The following PCDHA12 variants were observed in gnomAD, a reference collection of about 807,000 sequenced individuals.
PCDHA12 encodes the protein protocadherin alpha 12.
PCDHA12 carries 44 observed loss-of-function variants against 60.0 expected under a neutral mutation model. The ratio of observed to expected loss-of-function variants is 0.73; its 90% CI spans 0.58 to 0.94. PCDHA12 has a LOEUF of 0.94. Ranked by LOEUF, PCDHA12 falls within the 40% of genes least tolerant of loss-of-function variation. The pLI, the probability that PCDHA12 is intolerant of heterozygous loss-of-function variation, is 0.00. For missense variants in PCDHA12, 1,276 were observed against 1,239.7 expected (o/e 1.03, Z -0.44); for synonymous variants, 569 against 553.0 (o/e 1.03, Z -0.40).
chr5:140,913,035 T>C (rs1277110200), intron 1 of PCDHA12, among the ~76,000 whole-genome samples: 2 of 152,242 alleles, frequency 1.3e-5, no homozygotes, highest in African/African-American at 4.8e-5. Context: ...TCATCAGATA[T>C]ATTGGCCTGG....
In PCDHA12 at chr5:140,876,123, C is replaced by T. The variant is rs782271666; in HGVS notation, c.651C>T (p.Gly217=). 6.2e-7 allele frequency: 1 copy of T among 1,613,906 alleles called. No homozygotes were observed. The highest frequency in any genetic ancestry group is 2.2e-5 in the East Asian group (1 of 44,884). ...KLNLLLMVID[G]GKPELTGSVQ... is the part of the protein sequence containing the mutation. ...ATTTATTGCTGATGGTAATCGATGGCGGTAAACCAGAACTAACAGGGTCTG... is the reference window on the plus strand; with the variant it reads ...ATTTATTGCTGATGGTAATCGATGGTGGTAAACCAGAACTAACAGGGTCTG... Residue 217 remains glycine (G), a synonymous_variant, in exon 1 of 4, where the codon GGC becomes GGT. Transcript: ENST00000398631.
intron 1 of PCDHA12, chr5:140,966,905 T>C (rs1554228876): frequency 1.9e-6 from 3 of 1,600,790 alleles, no homozygotes; most frequent in Non-Finnish European, 2.5e-6. Flanking sequence ...GCTGCGATAC[T>C]CTGTGCCAGA....
chr5:140,912,723 A>C (rs781874290), intron 1 of PCDHA12, among the ~76,000 whole-genome samples: 21 of 152,256 alleles, frequency 1.4e-4, no homozygotes, highest in Admixed American at 1.1e-3. Context: ...TCCATTCAAT[A>C]TGATGTTGGC....
rs577931904 is a variant in PCDHA12 at position 140,968,275 on chromosome 5, G to A, written c.2368-10674G>A. On this transcript the variant is annotated intron_variant, in intron 1 of 3. Coordinates refer to ENST00000398631, the MANE Select transcript of PCDHA12 (RefSeq NM_018903.4). ...ACCCAGATGAAAAGGAGAATGCAGA[G>A]GTGACCTACTCCCTTCTGGAGAGGG... is the stretch of plus-strand genomic sequence containing the variant. The A allele has an allele frequency of 5.0e-6, 8 of 1,614,040 alleles. No individual in the cohort carries two copies. The African/African-American group carries it at 8.0e-5, about 16-fold the overall frequency.
chr5:141,010,697 C>T lies in PCDHA12; in HGVS notation c.*760C>T, dbSNP rs1163164861. The T allele has an allele frequency of 6.3e-6, 1 of 158,698 alleles. No homozygotes were observed. 9.8% of individuals were successfully genotyped at this position (158,698 alleles called of 1,614,324 possible). A position where few individuals can be genotyped will look rare whatever the true frequency, so the allele number is the denominator to read the frequency against. On this transcript the variant is annotated 3_prime_UTR_variant, in exon 4 of 4. Coordinates refer to ENST00000398631, the MANE Select transcript of PCDHA12 (RefSeq NM_018903.4). ...AACAGAAGCAGATCTGATGTGTTTCCTATACATGTCCTGTGCTCACTTTAT... is the reference window on the plus strand; with the variant it reads ...AACAGAAGCAGATCTGATGTGTTTCTTATACATGTCCTGTGCTCACTTTAT...
chr5:141,007,315 C>T (rs1207897662), intron 3 of PCDHA12, among the ~76,000 whole-genome samples: 1 of 148,308 alleles, frequency 6.7e-6, no homozygotes, highest in Non-Finnish European at 1.5e-5. Flanking sequence ...TTTTGGGAGG[C>T]TAAAGTGGAC....
chr5:140,974,116 G>T (rs2096616118), intron 1 of PCDHA12, among the ~76,000 whole-genome samples: 1 of 152,192 alleles, frequency 6.6e-6, no homozygotes. Context: ...TTCTTTTGCA[G>T]TGTTTTAAAT....
chr5:140,922,388 CT>C (rs1233800006), intron 1 of PCDHA12, among the ~76,000 whole-genome samples: 1 of 152,148 alleles, frequency 6.6e-6, no homozygotes, highest in Non-Finnish European at 1.5e-5. Flanking sequence ...CCAAAGACTC[CT>C]TGTTTTGGAT....
At chr5:140,938,133 A>G (rs2091933876) in intron 1 of PCDHA12, among the ~76,000 whole-genome samples, 1 of 152,268 alleles carries the variant, frequency 6.6e-6, no homozygotes, top group South Asian at 2.1e-4. Context: ...AAAAATAGAG[A>G]TAGAGTCTCA....
chr5:141,010,124 G>A lies in PCDHA12; in HGVS notation c.*187G>A. ...GGTTTTGTCGTAAAAGCTTTACTAAGTCTGGTGTTAACTCTTTCTCTCCAC... is the reference window on the plus strand; with the variant it reads ...GGTTTTGTCGTAAAAGCTTTACTAAATCTGGTGTTAACTCTTTCTCTCCAC... On this transcript the variant is annotated 3_prime_UTR_variant, in exon 4 of 4. Coordinates refer to ENST00000398631, the MANE Select transcript of PCDHA12 (RefSeq NM_018903.4). The A allele has an allele frequency of 1.2e-6, 2 of 1,605,172 alleles. No homozygotes were observed. The highest frequency in any genetic ancestry group is 1.7e-6 in the Non-Finnish European group (2 of 1,175,146).
At chr5:140,884,414 C>G in intron 1 of PCDHA12, 2 of 1,614,008 alleles carry the variant, frequency 1.2e-6, no homozygotes, top group Non-Finnish European at 1.7e-6. Context: ...GCTCACGTTG[C>G]TGCTGTATAC....
chr5:141,012,183 A>G lies in PCDHA12; in HGVS notation c.*2246A>G, dbSNP rs1554263839. The stretch of plus-strand genomic sequence containing the variant: ...TAATTTATTAATGATGATAATTATA[A>G]TGTATCTGTACAGCACTTTTTACAT... On this transcript the variant is annotated 3_prime_UTR_variant, in exon 4 of 4. Coordinates refer to ENST00000398631, the MANE Select transcript of PCDHA12 (RefSeq NM_018903.4). The G allele has an allele frequency of 6.5e-6, 1 of 153,782 alleles. No homozygotes were observed. Among genetic ancestry groups the G allele is most frequent in the Admixed American group, 6.5e-5 (1 of 15,280 alleles). 9.5% of individuals were successfully genotyped at this position (153,782 alleles called of 1,614,324 possible). A position where few individuals can be genotyped will look rare whatever the true frequency, so the allele number is the denominator to read the frequency against.
rs782451974 is a variant in PCDHA12, at chr5:141,009,822, T to A, written c.2711T>A (p.Phe904Tyr). 6.2e-7 allele frequency: 1 copy of A among 1,613,720 alleles called. No individual in the cohort carries two copies. The highest frequency in any genetic ancestry group is 2.2e-5 in the East Asian group (1 of 44,866). Residue 904 changes from phenylalanine (F) to tyrosine (Y), a missense_variant, in exon 4 of 4, where the codon TTC (phenylalanine) becomes TAC (tyrosine). Physicochemically the swap from Phe to Tyr is conservative, Grantham distance 22. Transcript: ENST00000398631. ...AACAGCCAAATTGACAAAAGTGACTTCATAACCTTCGGCAAAAAGGAGGAG... is the reference window on the plus strand; with the variant it reads ...AACAGCCAAATTGACAAAAGTGACTACATAACCTTCGGCAAAAAGGAGGAG... ...PTNSQIDKSDFITFGKKEETK... is the reference protein window; with the variant it reads ...PTNSQIDKSDYITFGKKEETK...
intron 1 of PCDHA12, among the ~76,000 whole-genome samples, chr5:140,970,706 A>G (rs1266484266): frequency 6.6e-6 from 1 of 152,224 alleles, no homozygotes; most frequent in Non-Finnish European, 1.5e-5. Context: ...CTACTACACA[A>G]TGTGTGAACA....
chr5:140,932,952 T>G (rs2088746376), intron 1 of PCDHA12, among the ~76,000 whole-genome samples: 1 of 152,008 alleles, frequency 6.6e-6, no homozygotes, highest in Non-Finnish European at 1.5e-5. Flanking sequence ...GAAGGTGGAC[T>G]AAATTGCTGA....
Position 140,875,810 on chromosome 5 carries a change from C to T in PCDHA12, c.338C>T (p.Pro113Leu). The T allele has an allele frequency of 6.2e-7, 1 of 1,614,106 alleles. No homozygotes were observed. Among genetic ancestry groups the T allele is most frequent in the Non-Finnish European group, 8.5e-7 (1 of 1,180,032 alleles). ...SIHLEVIVDRPLQVFHVDVEV... is the reference protein window; with the variant it reads ...SIHLEVIVDRLLQVFHVDVEV... ...CACCTGGAGGTGATCGTGGACAGGC[C>T]GCTGCAGGTTTTCCATGTGGACGTG... Residue 113 changes from proline (P) to leucine (L), a missense_variant, in exon 1 of 4, where the codon CCG (proline) becomes CTG (leucine). Coordinates refer to ENST00000398631, the MANE Select transcript of PCDHA12 (RefSeq NM_018903.4).
In PCDHA12 at chr5:140,972,962, A is replaced by G. The variant is rs550755148; in HGVS notation, c.2368-5987A>G. Among the ~76,000 whole-genome samples the G allele has an allele frequency of 1.5e-3, 231 of 152,144 alleles. 1 individual carries two copies. The highest frequency in any genetic ancestry group is 2.9e-3 in the Non-Finnish European group (194 of 67,976). ...CAGATGTGAGCCACCATGCCCGGCA[A>G]AGGAAACCAAATCTTAAGGTAGATT... On this transcript the variant is annotated intron_variant, in intron 1 of 3. Transcript: ENST00000398631.
chr5:140,991,879 G>A (rs1464021872), intron 3 of PCDHA12, among the ~76,000 whole-genome samples: 1 of 152,174 alleles, frequency 6.6e-6, no homozygotes, highest in Non-Finnish European at 1.5e-5. Flanking sequence ...TCCTAGGGCT[G>A]CCATAACAAA....
chr5:140,886,281 T>C (rs2060932567), intron 1 of PCDHA12, among the ~76,000 whole-genome samples: 1 of 151,934 alleles, frequency 6.6e-6, no homozygotes, highest in African/African-American at 2.4e-5. Flanking sequence ...TTTTTAAAAT[T>C]ATTTTTATAT....
Sources: allele counts gnomAD v4.1 joint callset (sites outside exome capture counted in the v4.1 genomes callset), GRCh38; gene constraint gnomAD v4.1.1; transcripts MANE v1.5; gene names NCBI Gene and HGNC (gene_info 2026-07-23, HGNC 2026-07-21).